The following SMARCA5 variants were observed in gnomAD, a reference collection of about 807,000 sequenced individuals.
SMARCA5 encodes the protein SWI/SNF-related matrix-associated actin-dependent regulator of chromatin subfamily A member 5.
In SMARCA5, 18 loss-of-function variants were observed where a neutral mutation model predicts 140.4. That is an observed-to-expected ratio of 0.13 (90% CI 0.09 to 0.19). The LOEUF (loss-of-function observed/expected upper bound fraction) is 0.19, where lower values mean the gene tolerates loss of function less well. SMARCA5 is among the 10% of genes least tolerant of loss of function. The pLI is 1.00. For synonymous variants in SMARCA5, 449 were observed against 419.6 expected (o/e 1.07, Z -0.86); for missense variants, 606 against 1,276.8 (o/e 0.47, Z 8.01).
intron 6 of SMARCA5, among the ~76,000 whole-genome samples, chr4:143,526,746 C>T (rs1482605328): frequency 6.6e-6 from 1 of 151,870 alleles, no homozygotes; most frequent in Non-Finnish European, 1.5e-5. Context: ...GGCCTGTAGT[C>T]CCAGCTACTT....
At position 143,547,964 on chromosome 4, in the gene SMARCA5, A is replaced by G. The variant is rs1275302109; in HGVS notation, c.2809A>G (p.Ile937Val). 5.0e-6 allele frequency: 8 copies of G among 1,609,204 alleles called. No homozygotes were observed. Among genetic ancestry groups the G allele is most frequent in the Non-Finnish European group, 5.9e-6 (7 of 1,177,248 alleles). ...CAAAGCACCTTTTCATCAGCTGAGA[A>G]TATCATATGGTACTAACAAAGGAAA... The part of the protein sequence containing the change: ...RYKAPFHQLR[I>V]SYGTNKGKNY... Residue 937 changes from isoleucine to valine, a missense_variant, in exon 22 of 24, where the codon ATA becomes GTA. Ile to Val is a conservative substitution (Grantham distance 29). This residue lies in a region of SMARCA5 where 121 missense variants were observed against 227.1 expected (regional missense o/e 0.53). Transcript: ENST00000283131.
chr4:143,544,922 AGATT>A, intron 17 of SMARCA5, 75 bp downstream of exon 17: 1 of 723,286 alleles, frequency 1.4e-6, no homozygotes, highest in Non-Finnish European at 2.4e-6. Context: ...TCTTGCAAAA[AGATT>A]GATAATTAGA....
chr4:143,547,877 C>A, intron 21 of SMARCA5, 51 bp from the exon 22 acceptor site: 1 of 1,098,410 alleles, frequency 9.1e-7, no homozygotes, highest in Non-Finnish European at 1.3e-6. Flanking sequence ...GTTTGAAATA[C>A]AGATTATATA....
chr4:143,540,676 G>T (rs1055342103), intron 14 of SMARCA5, among the ~76,000 whole-genome samples, 181 bp downstream of exon 14: 2 of 152,186 alleles, frequency 1.3e-5, no homozygotes, highest in Admixed American at 6.5e-5. Flanking sequence ...ATGGATTTGG[G>T]CTCAGGACAG....
intron 9 of SMARCA5, among the ~76,000 whole-genome samples, chr4:143,534,172 T>C (rs529075739): frequency 1.3e-5 from 2 of 152,200 alleles, no homozygotes; most frequent in East Asian, 3.9e-4. Context: ...TTTTTAGACA[T>C]AATGCTATTG....
At chr4:143,525,634 A>G in intron 5 of SMARCA5, 83 bp downstream of exon 5, 2 of 908,056 alleles carry the variant, frequency 2.2e-6, no homozygotes, top group Non-Finnish European at 3.6e-6. Flanking sequence ...TACAGTCTAC[A>G]ACTGTTAGCA....
At chr4:143,549,058 ATTTC>A (rs1391280266) in intron 22 of SMARCA5, among the ~76,000 whole-genome samples, 1 of 152,056 alleles carries the variant, frequency 6.6e-6, no homozygotes, top group Non-Finnish European at 1.5e-5. Context: ...CTGAAAGCTT[ATTTC>A]TTCTTAAGTG....
chr4:143,544,596 A>G (rs1400373451), intron 16 of SMARCA5, 141 bp from the exon 17 acceptor site: 7 of 523,462 alleles, frequency 1.3e-5, no homozygotes, highest in Non-Finnish European at 2.4e-5. Flanking sequence ...ATATTGAGCA[A>G]AGTATCATAG....
rs758248170 is a variant in SMARCA5, at chr4:143,514,033, C to T, written c.109C>T (p.Pro37Ser). The T allele has an allele frequency of 3.8e-5, 59 of 1,555,000 alleles. No homozygotes were observed. Among genetic ancestry groups the T allele is most frequent in the Non-Finnish European group, 5.0e-5 (58 of 1,158,346 alleles). Residue 37 changes from proline (P) to serine (S), a missense_variant, in exon 1 of 24, where the codon CCC becomes TCC. Around this residue, in one of 10 missense-constraint regions of SMARCA5, gnomAD observed 164 missense variants for 128.4 expected, o/e 1.28. Transcript: ENST00000283131. ...GGSNSSNKGGPEGVAAQAVAS... is the reference protein window; with the variant it reads ...GGSNSSNKGGSEGVAAQAVAS... ...GAGCAACAGCAGCAACAAAGGCGGC[C>T]CCGAAGGCGTCGCGGCGCAGGCGGT...
chr4:143,536,640 T>G lies in SMARCA5; in HGVS notation c.1457T>G (p.Val486Gly), dbSNP rs372160827. The G allele has an allele frequency of 1.9e-6, 3 of 1,613,524 alleles. No homozygotes were observed. The highest frequency in any genetic ancestry group is 2.5e-6 in the Non-Finnish European group (3 of 1,179,712). Residue 486 changes from valine to glycine, a missense_variant, in exon 11 of 24, where the codon GTG becomes GGG. Around this residue, in one of 10 missense-constraint regions of SMARCA5, gnomAD observed 68 missense variants for 126.9 expected, o/e 0.54. Transcript: ENST00000283131. ...CTAGTAACCAACAGTGGCAAAATGG[T>G]GGTTTTAGACAAGCTGCTCCCTAAG... ...MHLVTNSGKM[V>G]VLDKLLPKLK...
Position 143,534,830 on chromosome 4 carries a change from C to G in SMARCA5, c.1159-25C>G, listed in dbSNP as rs377029240. On this transcript the variant is annotated intron_variant, in intron 9 of 23. Coordinates refer to ENST00000283131, the MANE Select transcript of SMARCA5 (RefSeq NM_003601.4). The stretch of plus-strand genomic sequence containing the variant: ...GACCTTATGTGTAATATTGGTATTA[C>G]CTGTTTATTTTTGTCCTTTTTAAGG... The G allele has an allele frequency of 4.6e-6, 7 of 1,523,966 alleles. No homozygotes were observed. The African/African-American group carries it at 9.7e-5, about 21-fold the overall frequency. 94.4% of individuals were successfully genotyped at this position (1,523,966 alleles called of 1,614,324 possible). A position where few individuals can be genotyped will look rare whatever the true frequency, so the allele number is the denominator to read the frequency against.
chr4:143,521,281 G>A, intron 2 of SMARCA5, 148 bp from the exon 3 acceptor site: 1 of 571,286 alleles, frequency 1.8e-6, no homozygotes, highest in Non-Finnish European at 3.1e-6. Context: ...ACTTTGCATA[G>A]TGCTTTTGAA....
At position 143,534,887 on chromosome 4, in the gene SMARCA5, G is replaced by A; in HGVS notation, c.1191G>A (p.Lys397=). ...VLRPFLLRRI[K]ADVEKSLPPK... is the part of the protein sequence containing the mutation. The stretch of plus-strand genomic sequence containing the variant: ...GTCCATTCCTCCTTCGTCGAATTAA[G>A]GCTGATGTTGAAAAGAGTTTGCCTC... The change falls in exon 10 of 24, where the codon AAG becomes AAA. Residue 397 remains lysine, a synonymous_variant. Transcript: ENST00000283131. The A allele has an allele frequency of 6.2e-7, 1 of 1,612,988 alleles. No individual in the cohort carries two copies. The highest frequency in any genetic ancestry group is 8.5e-7 in the Non-Finnish European group (1 of 1,179,550).
chr4:143,549,890 T>G, intron 22 of SMARCA5, 107 bp from the exon 23 acceptor site: 5 of 588,810 alleles, frequency 8.5e-6, no homozygotes, highest in Non-Finnish European at 1.2e-5. Flanking sequence ...ATCAGGGGTG[T>G]ATTAGTGGTT....
intron 4 of SMARCA5, 45 bp downstream of exon 4, chr4:143,524,512 A>G (rs769616723): frequency 7.9e-7 from 1 of 1,265,216 alleles, no homozygotes; most frequent in Non-Finnish European, 1.1e-6. Flanking sequence ...GCCCTTTGAG[A>G]TCTCCTTTGG....
chr4:143,555,156 C>CT lies in SMARCA5; in HGVS notation c.*1974dup, dbSNP rs1323250961. 8.4e-6 allele frequency: 6 copies of CT among 713,580 alleles called. No homozygotes were observed. The highest frequency in any genetic ancestry group is 1.6e-5 in the Non-Finnish European group (6 of 386,080). The allele number at this position is 713,580 out of a possible 1,614,324, so 44.2% of individuals were successfully genotyped here. Reference sequence around the variant, plus strand: ...TAACCACTACTGCTACTGGAACTGCCTTAGCCACCTTGGTATCGTGGTTTG... The same window carrying CT: ...TAACCACTACTGCTACTGGAACTGCCTTTAGCCACCTTGGTATCGTGGTTTG... On this transcript the variant is annotated 3_prime_UTR_variant, in exon 24 of 24. Transcript: ENST00000283131.
chr4:143,527,530 C>G (rs961780336), intron 6 of SMARCA5, among the ~76,000 whole-genome samples: 1 of 152,120 alleles, frequency 6.6e-6, no homozygotes, highest in African/African-American at 2.4e-5. Flanking sequence ...CACCCTCTTC[C>G]TTTCTTTATG....
intron 19 of SMARCA5, among the ~76,000 whole-genome samples, chr4:143,546,459 C>G (rs1442579003): frequency 6.6e-6 from 1 of 152,058 alleles, no homozygotes; most frequent in East Asian, 1.9e-4. Flanking sequence ...CATTTTTCTA[C>G]TTGCTCATAT....
At chr4:143,528,433 G>A (rs1737117727) in intron 7 of SMARCA5, 150 bp from the exon 8 acceptor site, 1 of 591,870 alleles carries the variant, frequency 1.7e-6, no homozygotes, top group African/African-American at 1.9e-5. Flanking sequence ...TCTCTTTTAT[G>A]GCTGCGTACT....
Sources: allele counts gnomAD v4.1 joint callset (sites outside exome capture counted in the v4.1 genomes callset), GRCh38; gene constraint gnomAD v4.1.1; regional missense constraint gnomAD v4.1.1; transcripts MANE v1.5; gene names NCBI Gene and HGNC (gene_info 2026-07-23, HGNC 2026-07-21).